FMN1: variants seen among roughly 807,000 people sequenced by gnomAD.
FMN1 encodes formin 1, also known as formin-1.
Under a neutral mutation model 132.4 loss-of-function variants are expected in FMN1, and 110 were observed. That is an observed-to-expected ratio of 0.83 (90% CI 0.71 to 0.97). The LOEUF is 0.97. FMN1 is among the 50% of genes least tolerant of loss of function. The pLI is 0.00. For synonymous variants in FMN1, 722 were observed against 651.7 expected (o/e 1.11, Z -1.64); for missense variants, 1,792 against 1,705.3 (o/e 1.05, Z -0.90).
At chr15:33,179,104 T>TA (rs1965610465) in intron 3 of FMN1, among the ~76,000 whole-genome samples, 1 of 152,106 alleles carries the variant, frequency 6.6e-6, no homozygotes, top group South Asian at 2.1e-4. Context: ...AAGTAGACAA[T>TA]AAAATCATAA....
intron 5 of FMN1, among the ~76,000 whole-genome samples, chr15:33,082,510 C>T (rs2038522593): frequency 6.6e-6 from 1 of 152,146 alleles, no homozygotes; most frequent in African/African-American, 2.4e-5. Context: ...AGACACATTA[C>T]AAACTATTCT....
intron 3 of FMN1, among the ~76,000 whole-genome samples, chr15:33,161,942 A>AAGG (rs1964913702): frequency 6.6e-6 from 1 of 151,946 alleles, no homozygotes; most frequent in Non-Finnish European, 1.5e-5. Context: ...AAAAAAAAAA[A>AAGG]AAGGAAGTTC....
rs374451150 is a variant in FMN1, at chr15:32,771,554, GTTGT to G, written c.*2752_*2755del. 4 of 152,334 alleles carry G rather than the reference GTTGT, an allele frequency of 2.6e-5. No individual in the cohort carries two copies. Among genetic ancestry groups the G allele is most frequent in the South Asian group, 2.1e-4 (1 of 4,824 alleles). The allele number at this position is 152,334 out of a possible 1,614,324, so 9.4% of individuals were successfully genotyped here. A position where few individuals can be genotyped will look rare whatever the true frequency, so the allele number is the denominator to read the frequency against. Reference sequence around the variant, plus strand: ...TGAATATTGTCTAAGAGGAGACAAAGTTGTTTGTAAGTTAAGGGTTCTTAGAGTT... The same window carrying G: ...TGAATATTGTCTAAGAGGAGACAAAGTTGTAAGTTAAGGGTTCTTAGAGTT... On this transcript the variant is annotated 3_prime_UTR_variant, in exon 21 of 21. Transcript: ENST00000616417.
chr15:33,019,829 G>A (rs345840), intron 6 of FMN1, among the ~76,000 whole-genome samples: 60,075 of 152,048 alleles, frequency 0.4, 12,220 homozygotes, highest in Admixed American at 0.48. Flanking sequence ...AGCACCGCGT[G>A]CAGCCCTGGT....
intron 6 of FMN1, among the ~76,000 whole-genome samples, chr15:33,036,572 G>C (rs2036202122): frequency 6.6e-6 from 1 of 152,084 alleles, no homozygotes; most frequent in Non-Finnish European, 1.5e-5. Context: ...ATTGGTTCTG[G>C]AGCTAACTTC....
intron 10 of FMN1, among the ~76,000 whole-genome samples, chr15:32,917,846 A>C (rs1326576156): frequency 6.6e-6 from 1 of 152,220 alleles, no homozygotes; most frequent in Non-Finnish European, 1.5e-5. Context: ...GGGTCTCTAA[A>C]TGGCATCATA....
intron 16 of FMN1, among the ~76,000 whole-genome samples, chr15:32,878,888 G>A (rs533130666): frequency 2.2e-4 from 33 of 152,270 alleles, no homozygotes; most frequent in Admixed American, 1.4e-3. Context: ...ATAGAGGGTA[G>A]AAATAGAGGG....
intron 9 of FMN1, among the ~76,000 whole-genome samples, chr15:32,958,271 C>T (rs1458648827): frequency 1.3e-5 from 2 of 152,116 alleles, no homozygotes; most frequent in South Asian, 2.1e-4. Flanking sequence ...CATTCATAAA[C>T]TTCAAATAAA....
intron 17 of FMN1, among the ~76,000 whole-genome samples, chr15:32,827,699 C>T (rs1400115854): frequency 2.0e-5 from 3 of 151,972 alleles, no homozygotes; most frequent in South Asian, 4.2e-4. Flanking sequence ...AAGAAATTAG[C>T]CTGGCGTGGT....
chr15:32,968,226 C>T (rs79896968), intron 8 of FMN1, among the ~76,000 whole-genome samples: 1 of 152,226 alleles, frequency 6.6e-6, no homozygotes, highest in Non-Finnish European at 1.5e-5. Flanking sequence ...GAACTAATAA[C>T]TTAGCCATGT....
rs756447982 is a variant in FMN1 at position 33,153,686 on chromosome 15, G to A, written c.1229C>T (p.Ser410Leu). 14 of 1,536,268 alleles carry A rather than the reference G, an allele frequency of 9.1e-6. No individual in the cohort carries two copies. Among genetic ancestry groups the A allele is most frequent in the African/African-American group, 4.1e-5 (3 of 73,040 alleles). ...AGETASISSV[S>L]ASAEGAVNKV... The stretch of plus-strand genomic sequence containing the variant: ...GTTCACGGCCCCCTCGGCACTGGCC[G>A]ACACACTAGAAATGGAGGCTGTTTC... The change falls in exon 4 of 21, where the codon TCG (serine) becomes TTG (leucine). Residue 410 changes from serine (S) to leucine (L), a missense_variant. This residue lies in a region of FMN1 where 638 missense variants were observed against 645.2 expected (regional missense o/e 0.99). Transcript: ENST00000616417.
At chr15:32,993,726 G>C (rs2033584796) in intron 7 of FMN1, among the ~76,000 whole-genome samples, 1 of 152,136 alleles carries the variant, frequency 6.6e-6, no homozygotes, top group South Asian at 2.1e-4. Flanking sequence ...TCCAGTTTCA[G>C]CAGAAGCAAC....
chr15:32,961,920 G>C (rs961500728), intron 9 of FMN1, among the ~76,000 whole-genome samples: 2 of 152,052 alleles, frequency 1.3e-5, no homozygotes, highest in Non-Finnish European at 2.9e-5. Flanking sequence ...TGCCTCTCAA[G>C]TTTTTGAGTC....
At chr15:33,118,029 T>C (rs2039994489) in intron 4 of FMN1, among the ~76,000 whole-genome samples, 1 of 152,222 alleles carries the variant, frequency 6.6e-6, no homozygotes, top group Non-Finnish European at 1.5e-5. Flanking sequence ...TAGTGTGTTG[T>C]GAATTTGCAA....
At chr15:33,078,502 A>G (rs980612930) in intron 5 of FMN1, among the ~76,000 whole-genome samples, 1 of 152,236 alleles carries the variant, frequency 6.6e-6, no homozygotes, top group African/African-American at 2.4e-5. Flanking sequence ...AATCAAAGTC[A>G]CATACTTTCT....
intron 6 of FMN1, among the ~76,000 whole-genome samples, chr15:33,034,870 A>G (rs946411541): frequency 6.6e-6 from 1 of 152,152 alleles, no homozygotes; most frequent in African/African-American, 2.4e-5. Flanking sequence ...AAATACTAGG[A>G]AGATCACATC....
At chr15:33,187,813 G>C (rs973537732) in intron 2 of FMN1, among the ~76,000 whole-genome samples, 1 of 152,146 alleles carries the variant, frequency 6.6e-6, no homozygotes, top group African/African-American at 2.4e-5. Flanking sequence ...GAAAGAAAAG[G>C]CTTGAAATAG....
Position 32,766,423 on chromosome 15 carries a change from T to C in FMN1, c.*7887A>G, listed in dbSNP as rs945759329. On this transcript the variant is annotated 3_prime_UTR_variant, in exon 21 of 21. Transcript: ENST00000616417. The stretch of plus-strand genomic sequence containing the variant: ...TACTTGAGATTCAAAAATCTGGCGT[T>C]CTGCATCATAGCTGGTGACCCGGTC... 6.6e-5 allele frequency: 10 copies of C among 152,158 alleles called. No homozygotes were observed. The highest frequency in any genetic ancestry group is 1.0e-4 in the Non-Finnish European group (7 of 68,032). The allele number at this position is 152,158 out of a possible 1,614,324, so 9.4% of individuals were successfully genotyped here.
intron 17 of FMN1, among the ~76,000 whole-genome samples, chr15:32,817,488 A>G (rs2058090887): frequency 6.6e-6 from 1 of 152,214 alleles, no homozygotes; most frequent in African/African-American, 2.4e-5. Flanking sequence ...TAACACGATG[A>G]CTTCAAGAGC....
Sources: allele counts gnomAD v4.1 joint callset (sites outside exome capture counted in the v4.1 genomes callset), GRCh38; gene constraint gnomAD v4.1.1; regional missense constraint gnomAD v4.1.1; transcripts MANE v1.5; gene names NCBI Gene and HGNC (gene_info 2026-07-23, HGNC 2026-07-21).